The following AUH variants were observed in gnomAD, a reference collection of about 807,000 sequenced individuals.
AUH encodes the protein methylglutaconyl-CoA hydratase, mitochondrial.
AUH carries 29 observed loss-of-function variants against 42.3 expected under a neutral mutation model. That is an observed-to-expected ratio of 0.69 (90% CI 0.51 to 0.93). The LOEUF (loss-of-function observed/expected upper bound fraction) is 0.93, where lower values mean the gene tolerates loss of function less well. AUH is among the 40% of genes least tolerant of loss of function. AUH has a pLI of 0.00. For missense variants in AUH, 452 were observed against 438.1 expected (o/e 1.03, Z -0.28); for synonymous variants, 174 against 166.4 (o/e 1.05, Z -0.35).
At chr9:91,335,052 G>A (rs1041385089) in intron 3 of AUH, among the ~76,000 whole-genome samples, 2 of 152,180 alleles carry the variant, frequency 1.3e-5, no homozygotes, top group Admixed American at 6.5e-5. Flanking sequence ...CTGCTCTTAC[G>A]TGGTGGTTGT....
At chr9:91,358,927 AAAGTTTTTTTTT>A (rs1398329306) in intron 1 of AUH, among the ~76,000 whole-genome samples, 29 of 152,204 alleles carry the variant, frequency 1.9e-4, no homozygotes, top group African/African-American at 6.8e-4. Flanking sequence ...GCAAAGTCTA[AAAGTTTTTTTTT>A]ATAACTGTCT....
At chr9:91,352,169 G>A (rs1832037145) in intron 3 of AUH, among the ~76,000 whole-genome samples, 1 of 152,084 alleles carries the variant, frequency 6.6e-6, no homozygotes. Context: ...CAGCTACTCA[G>A]GAGACTGAGG....
At chr9:91,305,338 T>C (rs963031886) in intron 4 of AUH, among the ~76,000 whole-genome samples, 1 of 152,194 alleles carries the variant, frequency 6.6e-6, no homozygotes, top group African/African-American at 2.4e-5. Context: ...ATCACAGACA[T>C]AGTCTAGTCT....
At chr9:91,240,273 T>C (rs1828432907) in intron 6 of AUH, among the ~76,000 whole-genome samples, 1 of 152,230 alleles carries the variant, frequency 6.6e-6, no homozygotes. Context: ...CTCCCACCAA[T>C]AGCACTGTGC....
intron 6 of AUH, among the ~76,000 whole-genome samples, chr9:91,277,577 GA>G (rs930351143): frequency 6.6e-6 from 1 of 151,916 alleles, no homozygotes; most frequent in African/African-American, 2.4e-5. Flanking sequence ...TAATTTTAGG[GA>G]AAAAATCTAT....
At chr9:91,359,503 C>G (rs950692218) in intron 1 of AUH, among the ~76,000 whole-genome samples, 1 of 151,720 alleles carries the variant, frequency 6.6e-6, no homozygotes, top group African/African-American at 2.4e-5. Context: ...GTTGTGTCAC[C>G]CAGACTGGAG....
chr9:91,281,512 A>T (rs978399617), intron 6 of AUH, among the ~76,000 whole-genome samples: 2 of 151,804 alleles, frequency 1.3e-5, no homozygotes, highest in African/African-American at 4.8e-5. Context: ...GCTCTCGAAA[A>T]CTCCACATCT....
intron 6 of AUH, among the ~76,000 whole-genome samples, chr9:91,294,097 A>T (rs991679242): frequency 7.2e-5 from 11 of 152,252 alleles, no homozygotes; most frequent in African/African-American, 2.7e-4. Context: ...CTCAAAAAAA[A>T]GAGTTCTTTC....
In AUH at chr9:91,361,713, C is replaced by G; in HGVS notation, c.177G>C (p.Gly59=). The change falls in exon 1 of 10, where the codon GGG becomes GGC. Residue 59 remains glycine, a synonymous_variant. Coordinates refer to ENST00000375731, the MANE Select transcript of AUH (RefSeq NM_001698.3). ...IWAQGWVPAA[G]GPAPKRGYSS... Reference sequence around the variant, plus strand: ...TGTAGCCCCTTTTCGGGGCGGGACCCCCGGCCGCAGGTACCCAGCCCTGGG... The same window carrying G: ...TGTAGCCCCTTTTCGGGGCGGGACCGCCGGCCGCAGGTACCCAGCCCTGGG... 6.4e-7 allele frequency: 1 copy of G among 1,552,826 alleles called. No homozygotes were observed. Among genetic ancestry groups the G allele is most frequent in the Non-Finnish European group, 8.7e-7 (1 of 1,148,582 alleles).
At chr9:91,240,885 T>A (rs1223288155) in intron 6 of AUH, among the ~76,000 whole-genome samples, 5 of 152,040 alleles carry the variant, frequency 3.3e-5, no homozygotes, top group Non-Finnish European at 5.9e-5. Flanking sequence ...TAGTCAATGA[T>A]GCAGCTGAGG....
At chr9:91,257,438 G>A (rs76726883) in intron 6 of AUH, among the ~76,000 whole-genome samples, 1,576 of 152,194 alleles carry the variant, frequency 0.01, 26 homozygotes, top group African/African-American at 0.036. Context: ...GCAGCAGTGC[G>A]AGGAGCCTCT....
intron 6 of AUH, among the ~76,000 whole-genome samples, chr9:91,286,698 TCAGA>T (rs1370151995): frequency 6.7e-6 from 1 of 148,626 alleles, no homozygotes; most frequent in Non-Finnish European, 1.5e-5. Flanking sequence ...TGAGCAAGAC[TCAGA>T]CAATCGCCTG....
intron 6 of AUH, among the ~76,000 whole-genome samples, chr9:91,258,503 G>A (rs1829531938): frequency 6.6e-6 from 1 of 152,220 alleles, no homozygotes; most frequent in Non-Finnish European, 1.5e-5. Context: ...CCAAAGTGCT[G>A]AGATTACAGG....
At chr9:91,265,261 A>T (rs1587723257) in intron 6 of AUH, among the ~76,000 whole-genome samples, 1 of 148,148 alleles carries the variant, frequency 6.8e-6, no homozygotes. Flanking sequence ...TTAATTCCCC[A>T]CATATTTGCT....
At chr9:91,360,228 A>G (rs1306281857) in intron 1 of AUH, 3 of 152,172 alleles carry the variant, frequency 2.0e-5, no homozygotes, top group Non-Finnish European at 4.4e-5. Flanking sequence ...TATATCTAAC[A>G]TATTGTTGGT....
chr9:91,269,556 C>T (rs76816379), intron 6 of AUH, among the ~76,000 whole-genome samples: 94 of 152,260 alleles, frequency 6.2e-4, no homozygotes, highest in African/African-American at 2.1e-3. Flanking sequence ...TCAATAGAAA[C>T]CAAGTGCCTT....
chr9:91,336,677 C>T (rs1194911515), intron 3 of AUH, among the ~76,000 whole-genome samples: 1 of 148,382 alleles, frequency 6.7e-6, no homozygotes, highest in Admixed American at 6.7e-5. Flanking sequence ...CAGACTCGGT[C>T]TCCAGAAAAA....
At chr9:91,334,830 G>A (rs1049545170) in intron 3 of AUH, among the ~76,000 whole-genome samples, 1 of 152,134 alleles carries the variant, frequency 6.6e-6, no homozygotes, top group Non-Finnish European at 1.5e-5. Context: ...TACATGTGGT[G>A]CCAATTCGAA....
chr9:91,316,815 C>T (rs949736634), intron 4 of AUH, among the ~76,000 whole-genome samples: 1 of 152,128 alleles, frequency 6.6e-6, no homozygotes, highest in Admixed American at 6.6e-5. Context: ...TATTGTCTCC[C>T]AGTCTGTGTC....
Sources: allele counts gnomAD v4.1 joint callset (sites outside exome capture counted in the v4.1 genomes callset), GRCh38; gene constraint gnomAD v4.1.1; transcripts MANE v1.5; gene names NCBI Gene and HGNC (gene_info 2026-07-23, HGNC 2026-07-21).